Variants in ZNF766 observed in about 807,000 individuals in gnomAD.
ZNF766 encodes zinc finger protein 766.
Under a neutral mutation model 13.2 loss-of-function variants are expected in ZNF766, and 13 were observed. The observed-to-expected ratio is 0.98, with a 90% CI of 0.64 to 1.56. ZNF766 has a LOEUF of 1.56. Among genes scored for constraint, ZNF766 ranks in the 40% most tolerant of loss-of-function variants. ZNF766 has a pLI of 0.00. For synonymous variants in ZNF766, 178 were observed against 187.6 expected (o/e 0.95, Z 0.42); for missense variants, 521 against 552.2 (o/e 0.94, Z 0.57).
chr19:52,284,994 C>T (rs1981739854), intron 3 of ZNF766: 1 of 152,006 alleles, frequency 6.6e-6, no homozygotes, highest in Non-Finnish European at 1.5e-5. Flanking sequence ...TCTCCAGCCC[C>T]TGTACCCTTC....
At chr19:52,269,906 C>G (rs1457295414) in intron 1 of ZNF766, among the ~76,000 whole-genome samples, 3 of 152,234 alleles carry the variant, frequency 2.0e-5, no homozygotes, top group Non-Finnish European at 4.4e-5. Context: ...CACGTAAAGT[C>G]CCCGCCTGCG....
rs926386434 is a variant in ZNF766 at position 52,281,519 on chromosome 19, TA to T, written c.19-583del. ...GGGTGACAGACTGAGACTCTGTCAA[TA>T]AAAAAAAATGTGTTCTACACTATCA... On this transcript the variant is annotated intron_variant, in intron 1 of 3. Coordinates refer to ENST00000439461, the MANE Select transcript of ZNF766 (RefSeq NM_001010851.3). The T allele has an allele frequency of 3.0e-3, 810 of 269,866 alleles. 4 individuals are homozygous for T. Among genetic ancestry groups the T allele is most frequent in the African/African-American group, 0.011 (459 of 42,260 alleles). 16.7% of individuals were successfully genotyped at this position (269,866 alleles called of 1,614,324 possible). A position where few individuals can be genotyped will look rare whatever the true frequency, so the allele number is the denominator to read the frequency against.
In ZNF766 at chr19:52,287,998, G is replaced by A. The variant is rs145908378; in HGVS notation, c.275-2068G>A. On this transcript the variant is annotated intron_variant, in intron 3 of 3. Transcript: ENST00000439461. Reference sequence around the variant, plus strand: ...TTTCTAACCTTTATTTTTTCTTTCTGCTATCTTAGTGTTCATTTTTTTCTT... The same window carrying A: ...TTTCTAACCTTTATTTTTTCTTTCTACTATCTTAGTGTTCATTTTTTTCTT... The A allele has an allele frequency of 1.6e-3, 658 of 422,722 alleles. 8 individuals carry two copies. The East Asian group carries it at 0.019, about 13-fold the overall frequency. 26.2% of individuals were successfully genotyped at this position (422,722 alleles called of 1,614,324 possible).
chr19:52,290,392 A>G lies in ZNF766; in HGVS notation c.601A>G (p.Ser201Gly), dbSNP rs753747447. The G allele has an allele frequency of 8.7e-6, 14 of 1,613,848 alleles. No homozygotes were observed. In the East Asian group the frequency reaches 1.8e-4, roughly 21 times the overall value. ...GGGCAAAGTCTTCAGAGTGTCTTCA[A>G]GCCTTCCTAATCATCAAGTAATCCA... ...EQGKVFRVSS[S>G]LPNHQVIHTA... Residue 201 changes from serine (S) to glycine (G), a missense_variant, in exon 4 of 4, where the codon AGC (serine) becomes GGC (glycine). Coordinates refer to ENST00000439461, the MANE Select transcript of ZNF766 (RefSeq NM_001010851.3).
At chr19:52,290,031 T>C (rs756574664) in intron 3 of ZNF766, 35 bp from the exon 4 acceptor site, 1 of 1,546,464 alleles carries the variant, frequency 6.5e-7, no homozygotes, top group Non-Finnish European at 8.7e-7. Flanking sequence ...GCCAGAACCA[T>C]GGGTTCAAAT....
In ZNF766 at chr19:52,295,017, T is replaced by G. The variant is rs932717132; in HGVS notation, c.*3819T>G. On this transcript the variant is annotated 3_prime_UTR_variant, in exon 4 of 4. Coordinates refer to ENST00000439461, the MANE Select transcript of ZNF766 (RefSeq NM_001010851.3). ...TAGAAGAGCATTTTTCCAAAAGCTA[T>G]GGAAATGTCATTTTCCCGTTACAGC... The G allele has an allele frequency of 6.6e-6, 1 of 151,620 alleles. No individual in the cohort carries two copies. Among genetic ancestry groups the G allele is most frequent in the African/African-American group, 2.4e-5 (1 of 41,354 alleles). 9.4% of individuals were successfully genotyped at this position (151,620 alleles called of 1,614,324 possible). A position where few individuals can be genotyped will look rare whatever the true frequency, so the allele number is the denominator to read the frequency against.
chr19:52,284,354 AT>A (rs770989697), intron 3 of ZNF766, among the ~76,000 whole-genome samples: 16 of 152,224 alleles, frequency 1.1e-4, no homozygotes, highest in Middle Eastern at 6.8e-3. Context: ...GGAAGACCTG[AT>A]GGGGAGATGG....
At chr19:52,279,843 T>A (rs1981403247) in intron 1 of ZNF766, among the ~76,000 whole-genome samples, 1 of 138,556 alleles carries the variant, frequency 7.2e-6, no homozygotes, top group Non-Finnish European at 1.5e-5. Context: ...TTGCCTAGGC[T>A]GGAGTGCAGT....
intron 1 of ZNF766, among the ~76,000 whole-genome samples, chr19:52,270,095 C>G (rs1980910133): frequency 6.6e-6 from 1 of 152,162 alleles, no homozygotes; most frequent in Non-Finnish European, 1.5e-5. Context: ...TGTCCCCAGG[C>G]CTTTTCGCAG....
At position 52,292,146 on chromosome 19, in the gene ZNF766, C is replaced by G. The variant is rs1213265996; in HGVS notation, c.*948C>G. ...GAAATTTCTTCATGTGCCTTCCCTA[C>G]AGGCCTTTCACTGTGGTCTGGGAAA... On this transcript the variant is annotated 3_prime_UTR_variant, in exon 4 of 4. Coordinates refer to ENST00000439461, the MANE Select transcript of ZNF766 (RefSeq NM_001010851.3). 2 of 702,730 alleles carry G rather than the reference C, an allele frequency of 2.8e-6. No homozygotes were observed. Among genetic ancestry groups the G allele is most frequent in the African/African-American group, 3.5e-5 (2 of 57,224 alleles). 43.5% of individuals were successfully genotyped at this position (702,730 alleles called of 1,614,324 possible). A position where few individuals can be genotyped will look rare whatever the true frequency, so the allele number is the denominator to read the frequency against.
chr19:52,283,206 TATC>T, intron 2 of ZNF766, 76 bp from the exon 3 acceptor site: 2 of 1,514,008 alleles, frequency 1.3e-6, no homozygotes, highest in Non-Finnish European at 1.8e-6. Flanking sequence ...TAATTTTTAA[TATC>T]ATCTCTGCTG....
chr19:52,279,826 C>T (rs1206952435), intron 1 of ZNF766, among the ~76,000 whole-genome samples: 5 of 99,460 alleles, frequency 5.0e-5, no homozygotes, highest in African/African-American at 2.1e-4. Context: ...GACGGAGTCT[C>T]ACTCTTTTGC....
chr19:52,283,229 A>G, intron 2 of ZNF766, 56 bp from the exon 3 acceptor site: 1 of 1,571,282 alleles, frequency 6.4e-7, no homozygotes, highest in Non-Finnish European at 8.6e-7. Flanking sequence ...GCCTAAACAG[A>G]GGGCTTGGAT....
chr19:52,277,330 G>C (rs1259147723), intron 1 of ZNF766: 1 of 923,572 alleles, frequency 1.1e-6, no homozygotes, highest in Non-Finnish European at 1.6e-6. Flanking sequence ...GTGTTGGCGG[G>C]CACCTGTAGT....
At position 52,290,887 on chromosome 19, in the gene ZNF766, C is replaced by T. The variant is rs1485735454; in HGVS notation, c.1096C>T (p.His366Tyr). Residue 366 changes from histidine (H) to tyrosine (Y), a missense_variant, in exon 4 of 4, where the codon CAC becomes TAC. Coordinates refer to ENST00000439461, the MANE Select transcript of ZNF766 (RefSeq NM_001010851.3). ...KCKECDKAFR[H>Y]KFSLTVHQRN... is the part of the protein sequence containing the mutation. ...TAAAGAATGTGACAAAGCTTTTAGGCACAAGTTCTCCCTGACAGTTCATCA... is the reference window on the plus strand; with the variant it reads ...TAAAGAATGTGACAAAGCTTTTAGGTACAAGTTCTCCCTGACAGTTCATCA... The T allele has an allele frequency of 6.2e-7, 1 of 1,614,130 alleles. No homozygotes were observed. The highest frequency in any genetic ancestry group is 8.5e-7 in the Non-Finnish European group (1 of 1,180,010).
At chr19:52,273,509 CT>C (rs1057432608) in intron 1 of ZNF766, among the ~76,000 whole-genome samples, 66 of 152,180 alleles carry the variant, frequency 4.3e-4, no homozygotes, top group African/African-American at 1.4e-3. Context: ...ACACAGACCT[CT>C]TTCCTGGGGC....
chr19:52,287,812 G>C (rs1035287068), intron 3 of ZNF766, among the ~76,000 whole-genome samples: 1 of 152,006 alleles, frequency 6.6e-6, no homozygotes, highest in Non-Finnish European at 1.5e-5. Flanking sequence ...GTGTAGACTT[G>C]TTTGTAATGT....
intron 1 of ZNF766, among the ~76,000 whole-genome samples, chr19:52,280,617 C>T (rs556929069): frequency 6.6e-6 from 1 of 152,076 alleles, no homozygotes; most frequent in Admixed American, 6.5e-5. Flanking sequence ...GAGTCTTGCT[C>T]TGTCGCCCAG....
chr19:52,289,156 T>G (rs1981985147), intron 3 of ZNF766, among the ~76,000 whole-genome samples: 1 of 148,506 alleles, frequency 6.7e-6, no homozygotes, highest in Non-Finnish European at 1.5e-5. Flanking sequence ...GCATGTGGTT[T>G]TTTTTTTTTT....
Sources: allele counts gnomAD v4.1 joint callset (sites outside exome capture counted in the v4.1 genomes callset), GRCh38; gene constraint gnomAD v4.1.1; transcripts MANE v1.5; gene names NCBI Gene and HGNC (gene_info 2026-07-23, HGNC 2026-07-21).